The following CHD2 variants were observed in gnomAD, a reference collection of about 807,000 sequenced individuals.
CHD2 encodes ATP-dependent chromatin remodeler CHD2.
In CHD2, 28 loss-of-function variants were observed where a neutral mutation model predicts 243.9. That is an observed-to-expected ratio of 0.11 (90% CI 0.09 to 0.16). The LOEUF (loss-of-function observed/expected upper bound fraction) is 0.16, where lower values mean the gene tolerates loss of function less well. Ranked by LOEUF, CHD2 falls within the 10% of genes least tolerant of loss-of-function variation. The pLI is 1.00. For missense variants in CHD2, 1,386 were observed against 2,209.8 expected, an observed-to-expected ratio of 0.63 and a Z score of 7.47; for synonymous variants, 775 against 779.0, an observed-to-expected ratio of 0.99 and a Z score of 0.09.
intron 2 of CHD2, among the ~76,000 whole-genome samples, chr15:92,906,218 C>T (rs2052618878): frequency 6.6e-6 from 1 of 152,096 alleles, no homozygotes; most frequent in South Asian, 2.1e-4. Flanking sequence ...TAGCATCAAG[C>T]AGCAAGAAAA....
At position 93,007,360 on chromosome 15, in the gene CHD2, T is replaced by G. The variant is rs554040602; in HGVS notation, c.4414-1785T>G. On this transcript the variant is annotated intron_variant, in intron 34 of 38. Coordinates refer to ENST00000394196, the MANE Select transcript of CHD2 (RefSeq NM_001271.4). ...TTCAGTTATTCAAAATTGACATATT[T>G]GGAATAATTTATCTTTCTTACCTTT... 9.8e-5 allele frequency among the ~76,000 whole-genome samples: 15 copies of G among 152,400 alleles called. No individual in the cohort carries two copies. In the South Asian group the frequency reaches 3.1e-3, roughly 32 times the overall value.
intron 38 of CHD2, chr15:93,020,460 G>A: frequency 1.5e-6 from 1 of 660,294 alleles, no homozygotes; most frequent in South Asian, 2.0e-5. Flanking sequence ...TTTCACCTGT[G>A]CAGGAAAAGA....
intron 7 of CHD2, among the ~76,000 whole-genome samples, chr15:92,940,820 TAA>T (rs2053353370): frequency 7.1e-6 from 1 of 140,882 alleles, no homozygotes; most frequent in Admixed American, 7.5e-5. Context: ...TAAATATATA[TAA>T]ATATTATAAA....
intron 26 of CHD2, among the ~76,000 whole-genome samples, chr15:92,986,300 C>T (rs933099669): frequency 3.3e-5 from 5 of 151,528 alleles, no homozygotes; most frequent in African/African-American, 9.7e-5. Context: ...TTCCAGTTTC[C>T]ATCTTTTTTT....
chr15:92,921,279 A>G (rs28573213), intron 2 of CHD2: 84,894 of 152,102 alleles, frequency 0.56, 24,378 homozygotes, highest in East Asian at 0.86. Flanking sequence ...TGCTAGGTCT[A>G]GAGTCTGGAG....
At chr15:92,989,378 T>C (rs1253202129) in intron 26 of CHD2, among the ~76,000 whole-genome samples, 7 of 152,280 alleles carry the variant, frequency 4.6e-5, no homozygotes, top group Admixed American at 4.6e-4. Context: ...CGTGAAAAAC[T>C]GGACATTTTA....
chr15:92,983,932 A>G (rs559242720), intron 24 of CHD2, among the ~76,000 whole-genome samples: 1 of 152,340 alleles, frequency 6.6e-6, no homozygotes, highest in African/African-American at 2.4e-5. Context: ...AATGAACTCT[A>G]TACAACTTAT....
chr15:92,937,422 C>A, intron 5 of CHD2, 96 bp from the exon 6 acceptor site: 1 of 794,672 alleles, frequency 1.3e-6, no homozygotes. Context: ...GCATGTTCTG[C>A]CCTTTGGATA....
intron 13 of CHD2, among the ~76,000 whole-genome samples, chr15:92,953,113 C>T (rs2081611715): frequency 6.6e-6 from 1 of 152,222 alleles, no homozygotes; most frequent in South Asian, 2.1e-4. Context: ...AAGAGTCTGA[C>T]AAGGCTGTCA....
chr15:93,012,934 G>C (rs2054410865), intron 36 of CHD2, among the ~76,000 whole-genome samples: 1 of 152,226 alleles, frequency 6.6e-6, no homozygotes, highest in South Asian at 2.1e-4. Flanking sequence ...CAGAGGCAGT[G>C]CTCCTTGTGT....
At chr15:92,928,401 G>A (rs1403299659) in intron 4 of CHD2, among the ~76,000 whole-genome samples, 1 of 152,230 alleles carries the variant, frequency 6.6e-6, no homozygotes, top group Non-Finnish European at 1.5e-5. Context: ...TTCCTTAATT[G>A]TGGAGAGAAA....
chr15:93,006,855 G>A (rs2054328571), intron 34 of CHD2, among the ~76,000 whole-genome samples: 1 of 152,208 alleles, frequency 6.6e-6, no homozygotes, highest in Admixed American at 6.5e-5. Context: ...AGTCACATTT[G>A]TTGAGATTTA....
intron 2 of CHD2, among the ~76,000 whole-genome samples, chr15:92,911,751 G>A (rs2052740088): frequency 6.6e-6 from 1 of 151,938 alleles, no homozygotes. Flanking sequence ...CCCTGCCCAA[G>A]AAAAAATCAA....
At chr15:93,013,056 T>G (rs2054412448) in intron 36 of CHD2, among the ~76,000 whole-genome samples, 2 of 152,212 alleles carry the variant, frequency 1.3e-5, no homozygotes, top group Admixed American at 6.5e-5. Context: ...GTCAGCTCCA[T>G]GAAGACAGAG....
intron 2 of CHD2, among the ~76,000 whole-genome samples, chr15:92,918,824 CAT>C (rs879783857): frequency 2.6e-5 from 4 of 151,276 alleles, no homozygotes; most frequent in South Asian, 2.1e-4. Flanking sequence ...TACACATATA[CAT>C]ATATATACAT....
At chr15:92,949,245 G>T (rs1283046039) in intron 13 of CHD2, 169 bp downstream of exon 13, 2 of 1,428,584 alleles carry the variant, frequency 1.4e-6, no homozygotes, top group African/African-American at 2.9e-5. Flanking sequence ...TGCTTCCTGG[G>T]AGTTTTTATG....
At chr15:92,952,628 A>G (rs2053568140) in intron 13 of CHD2, among the ~76,000 whole-genome samples, 1 of 152,182 alleles carries the variant, frequency 6.6e-6, no homozygotes, top group Admixed American at 6.5e-5. Context: ...TCAGGCACTA[A>G]TGCCAGCAAT....
At chr15:92,965,730 A>G (rs75019854) in intron 16 of CHD2, among the ~76,000 whole-genome samples, 112 of 152,296 alleles carry the variant, frequency 7.4e-4, no homozygotes, top group African/African-American at 2.6e-3. Context: ...ATATCTCCTC[A>G]GTGTGTGTAG....
rs2053935077 is a variant in CHD2, at chr15:92,978,275, A to C, written c.2619A>C (p.Gly873=). 1 of 1,614,044 alleles carries C rather than the reference A, an allele frequency of 6.2e-7. No homozygotes were observed. The highest frequency in any genetic ancestry group is 1.1e-5 in the South Asian group (1 of 91,078). The change falls in exon 21 of 39, where the codon GGA becomes GGC. Residue 873 remains glycine (G), a synonymous_variant. Transcript: ENST00000394196. ...TCTCGACAAGGGCTGGTGGCCTGGG[A>C]ATCAATTTGGCTTCAGCGGACACAG... ...FLLSTRAGGL[G]INLASADTVV...
Sources: gnomAD v4.1 joint callset for allele counts (sites outside exome capture counted in the v4.1 genomes callset) on GRCh38, gnomAD v4.1.1 for gene constraint, MANE v1.5 for transcripts, NCBI Gene and HGNC (gene_info 2026-07-23, HGNC 2026-07-21) for gene names.